Variants in PHF21B observed in about 807,000 individuals in gnomAD.
The protein encoded by PHF21B is PHD finger protein 4.
PHF21B carries 22 observed loss-of-function variants against 62.2 expected under a neutral mutation model. That is an observed-to-expected ratio of 0.35 (90% confidence interval 0.25 to 0.51). PHF21B has a LOEUF of 0.51. PHF21B is among the 20% of genes least tolerant of loss of function. The pLI is 0.97. For synonymous variants in PHF21B, 341 were observed against 314.7 expected (o/e 1.08, Z -0.88); for missense variants, 701 against 707.9 (o/e 0.99, Z 0.11).
At chr22:44,894,621 T>C (rs1459242170) in intron 6 of PHF21B, among the ~76,000 whole-genome samples, 1 of 152,180 alleles carries the variant, frequency 6.6e-6, no homozygotes, top group African/African-American at 2.4e-5. Flanking sequence ...CAAAGGAACC[T>C]TGGCTGGAGG....
At chr22:44,951,834 G>C (rs971172396) in intron 2 of PHF21B, among the ~76,000 whole-genome samples, 1 of 152,152 alleles carries the variant, frequency 6.6e-6, no homozygotes, top group African/African-American at 2.4e-5. Flanking sequence ...TGCAGGTTTA[G>C]CTTTAGTGGA....
intron 2 of PHF21B, among the ~76,000 whole-genome samples, chr22:44,982,304 G>A (rs888461825): frequency 2.6e-5 from 4 of 152,252 alleles, no homozygotes; most frequent in African/African-American, 9.6e-5. Context: ...CTGATCTGGG[G>A]CAGGGAGAGA....
chr22:44,909,972 T>A (rs2071317226), intron 5 of PHF21B, among the ~76,000 whole-genome samples: 1 of 152,238 alleles, frequency 6.6e-6, no homozygotes, highest in Admixed American at 6.5e-5. Flanking sequence ...TCTCTGTCTT[T>A]ACCCATGGAA....
In PHF21B at chr22:44,892,602, C is replaced by T. The variant is rs527243941; in HGVS notation, c.960+855G>A. Among the ~76,000 whole-genome samples the T allele has an allele frequency of 4.6e-5, 7 of 152,340 alleles. No individual in the cohort carries two copies. The East Asian group carries it at 1.2e-3, about 25-fold the overall frequency. On this transcript the variant is annotated intron_variant, in intron 7 of 12. Coordinates refer to ENST00000313237, the MANE Select transcript of PHF21B (RefSeq NM_138415.5). ...CACACCAGGCACTGACCTCGGGGGACATCGTTTCCCTCAGGACAGCTGTCC... is the reference window on the plus strand; with the variant it reads ...CACACCAGGCACTGACCTCGGGGGATATCGTTTCCCTCAGGACAGCTGTCC...
chr22:44,991,250 G>T (rs1203983797), intron 2 of PHF21B, among the ~76,000 whole-genome samples: 4 of 152,210 alleles, frequency 2.6e-5, no homozygotes, highest in Admixed American at 6.5e-5. Context: ...ACGCTATTAA[G>T]AATTCCCTAA....
At chr22:44,950,821 C>CT (rs750344414) in intron 2 of PHF21B, among the ~76,000 whole-genome samples, 1 of 152,144 alleles carries the variant, frequency 6.6e-6, no homozygotes, top group Admixed American at 6.5e-5. Context: ...ACCATTGGGC[C>CT]TTTCCCCCTT....
intron 2 of PHF21B, among the ~76,000 whole-genome samples, chr22:45,007,772 G>A (rs1165133189): frequency 7.6e-5 from 11 of 145,494 alleles, no homozygotes; most frequent in African/African-American, 2.5e-4. Context: ...GCGGAGGAGG[G>A]GCGGGAGCCA....
At chr22:44,948,000 C>CGCTGTTGTCCCTCCTCCCT (rs2072111244) in intron 2 of PHF21B, among the ~76,000 whole-genome samples, 1 of 152,128 alleles carries the variant, frequency 6.6e-6, no homozygotes. Context: ...CCCTCCTCCC[C>CGCTGTTGTCCCTCCTCCCT]GCTGTTGTCC....
At chr22:44,938,957 G>A (rs985192445) in intron 2 of PHF21B, among the ~76,000 whole-genome samples, 1 of 152,214 alleles carries the variant, frequency 6.6e-6, no homozygotes, top group Non-Finnish European at 1.5e-5. Context: ...GCAGGAGCTG[G>A]TTGAGGACTG....
chr22:44,893,344 AGAC>A (rs1337515142), intron 7 of PHF21B, 110 bp downstream of exon 7: 18 of 974,260 alleles, frequency 1.8e-5, no homozygotes, highest in Non-Finnish European at 2.1e-5. Context: ...CAGGAGGGAC[AGAC>A]GAGGGGGGTG....
At chr22:44,989,075 G>C (rs542379858) in intron 2 of PHF21B, 3 of 152,318 alleles carry the variant, frequency 2.0e-5, no homozygotes, top group African/African-American at 7.2e-5. Flanking sequence ...AGGTTTCAAG[G>C]TATGTACTTC....
intron 12 of PHF21B, among the ~76,000 whole-genome samples, chr22:44,884,683 C>A (rs5766154): frequency 3.5e-5 from 5 of 143,718 alleles, no homozygotes; most frequent in African/African-American, 1.3e-4. Context: ...ACCATCATCA[C>A]CATCATCATT....
intron 2 of PHF21B, among the ~76,000 whole-genome samples, chr22:44,963,069 C>T (rs974575020): frequency 6.6e-6 from 1 of 152,238 alleles, no homozygotes; most frequent in African/African-American, 2.4e-5. Context: ...TCTCTGGGGG[C>T]ACAGGGGCTG....
chr22:44,970,769 G>A lies in PHF21B; in HGVS notation c.120+37776C>T, dbSNP rs115307196. 6.1e-3 allele frequency among the ~76,000 whole-genome samples: 924 copies of A among 152,224 alleles called. 10 individuals carry two copies. Among genetic ancestry groups the A allele is most frequent in the African/African-American group, 0.021 (875 of 41,526 alleles). On this transcript the variant is annotated intron_variant, in intron 2 of 12. Transcript: ENST00000313237. ...CTCTTTGCCCCAAATTTAACTCTAA[G>A]CTCTTTGGAGACTATACAGCCAGGA...
chr22:44,961,590 G>A (rs969599123), intron 2 of PHF21B, among the ~76,000 whole-genome samples: 5 of 152,080 alleles, frequency 3.3e-5, no homozygotes, highest in East Asian at 1.9e-4. Context: ...CCTATAATAC[G>A]AGCACTTTGG....
At chr22:44,896,878 CTGTT>C (rs1337757796) in intron 5 of PHF21B, among the ~76,000 whole-genome samples, 2 of 37,328 alleles carry the variant, frequency 5.4e-5, no homozygotes, top group African/African-American at 1.7e-4. Context: ...TTAGTTTTAT[CTGTT>C]TTTTTTTTTT....
intron 2 of PHF21B, among the ~76,000 whole-genome samples, chr22:44,954,810 T>C (rs2072262277): frequency 6.6e-6 from 1 of 152,192 alleles, no homozygotes; most frequent in Non-Finnish European, 1.5e-5. Flanking sequence ...CGAGGAGTGG[T>C]CTGGCCCCGC....
intron 2 of PHF21B, among the ~76,000 whole-genome samples, chr22:45,005,456 A>T (rs111694613): frequency 6.6e-6 from 1 of 152,222 alleles, no homozygotes; most frequent in Non-Finnish European, 1.5e-5. Flanking sequence ...TCCGAATGGT[A>T]GGACAAAAAC....
In PHF21B at chr22:44,916,425, G is replaced by T; in HGVS notation, c.419C>A (p.Ala140Asp). 1.3e-6 allele frequency: 2 copies of T among 1,597,986 alleles called. No homozygotes were observed. Among genetic ancestry groups the T allele is most frequent in the Non-Finnish European group, 1.7e-6 (2 of 1,176,336 alleles). Residue 140 changes from alanine (A) to aspartate (D), a missense_variant, in exon 4 of 13, where the codon GCC becomes GAC. By Grantham distance (126) the Ala-to-Asp change is moderately radical. Transcript: ENST00000313237. ...PQALAEPAAL[A>D]SPLSSAGVAY... is the part of the protein sequence containing the mutation. ...CACCCCCGCACTGCTCAGCGGAGAG[G>T]CGAGGGCGGCGGGCTCGGCGAGGGC...
Sources: allele counts gnomAD v4.1 joint callset (sites outside exome capture counted in the v4.1 genomes callset), GRCh38; gene constraint gnomAD v4.1.1; transcripts MANE v1.5; gene names NCBI Gene and HGNC (gene_info 2026-07-23, HGNC 2026-07-21).